Variants in COG3 observed in about 807,000 individuals in gnomAD.
COG3 encodes component of oligomeric golgi complex 3.
COG3 carries 32 observed loss-of-function variants against 114.1 expected under a neutral mutation model. That is an observed-to-expected ratio of 0.28 (90% confidence interval 0.21 to 0.38). The LOEUF (loss-of-function observed/expected upper bound fraction) is 0.38, where lower values mean the gene tolerates loss of function less well. Ranked by LOEUF, COG3 falls within the 10% of genes least tolerant of loss-of-function variation. The pLI is 1.00. For synonymous variants in COG3, 352 were observed against 365.7 expected (o/e 0.96, Z 0.43); for missense variants, 813 against 973.2 (o/e 0.84, Z 2.19).
chr13:45,526,195 C>T (rs955558627), intron 20 of COG3, among the ~76,000 whole-genome samples: 14 of 134,046 alleles, frequency 1.0e-4, no homozygotes, highest in African/African-American at 3.5e-4. Flanking sequence ...AACCAATTCT[C>T]CTGCCTCAGC....
At chr13:45,520,703 A>C (rs961816126) in intron 19 of COG3, among the ~76,000 whole-genome samples, 1 of 151,998 alleles carries the variant, frequency 6.6e-6, no homozygotes, top group African/African-American at 2.4e-5. Flanking sequence ...GTGCATATGC[A>C]TTTTTTTCCC....
At chr13:45,524,951 T>C in intron 19 of COG3, 25 bp from the exon 20 acceptor site, 1 of 1,601,124 alleles carries the variant, frequency 6.2e-7, no homozygotes, top group Non-Finnish European at 8.5e-7. Flanking sequence ...AATGAAACTT[T>C]TTTTCTTTTT....
chr13:45,486,962 T>C (rs538398000), intron 8 of COG3, among the ~76,000 whole-genome samples: 71 of 152,282 alleles, frequency 4.7e-4, no homozygotes, highest in Non-Finnish European at 7.8e-4. Flanking sequence ...AAAGACTCTC[T>C]CACGAGGGAT....
At chr13:45,523,149 G>GTTTT (rs68132374) in intron 19 of COG3, among the ~76,000 whole-genome samples, 1 of 143,336 alleles carries the variant, frequency 7.0e-6, no homozygotes. Flanking sequence ...GCTTAAAAGT[G>GTTTT]TTTTTTTTTT....
intron 2 of COG3, among the ~76,000 whole-genome samples, chr13:45,478,421 C>T (rs1381291008): frequency 6.6e-6 from 1 of 151,098 alleles, no homozygotes; most frequent in African/African-American, 2.4e-5. Flanking sequence ...CCTTGTGATC[C>T]GCTCGCCTCG....
rs1239259522 is a variant in COG3 at position 45,530,748 on chromosome 13, A to C, written c.2425A>C (p.Ile809Leu). 6.2e-7 allele frequency: 1 copy of C among 1,613,300 alleles called. No homozygotes were observed. The highest frequency in any genetic ancestry group is 8.5e-7 in the Non-Finnish European group (1 of 1,179,370). The change falls in exon 22 of 23, where the codon ATC becomes CTC. Residue 809 changes from isoleucine to leucine, a missense_variant. Ile to Leu is a conservative substitution (Grantham distance 5). Transcript: ENST00000349995. ...AAAGGAAGAGTTCAGCCCTGAAGAC[A>C]TCCAGATCATTGCCTGTCCATCTAT... ...LLKEEFSPED[I>L]QIIACPSMEQ... is the part of the protein sequence containing the mutation.
intron 1 of COG3, among the ~76,000 whole-genome samples, chr13:45,470,974 T>G (rs1349587422): frequency 6.6e-6 from 1 of 152,226 alleles, no homozygotes; most frequent in Non-Finnish European, 1.5e-5. Context: ...TACTTTTGAC[T>G]TAGGATATTT....
chr13:45,513,382 A>G (rs1413737169), intron 16 of COG3, among the ~76,000 whole-genome samples: 3 of 113,666 alleles, frequency 2.6e-5, no homozygotes, highest in Non-Finnish European at 4.9e-5. Flanking sequence ...TACATATAAT[A>G]TATACATATA....
rs1052173860 is a variant in COG3 at position 45,535,095 on chromosome 13, G to A, written c.*364G>A. On this transcript the variant is annotated 3_prime_UTR_variant, in exon 23 of 23. Coordinates refer to ENST00000349995, the MANE Select transcript of COG3 (RefSeq NM_031431.4). Reference sequence around the variant, plus strand: ...GCAAAGAACTTTACAGAAATCAAGCGAATTAGAAGGCCTGTAAGAGTAAGG... The same window carrying A: ...GCAAAGAACTTTACAGAAATCAAGCAAATTAGAAGGCCTGTAAGAGTAAGG... 1.5e-5 allele frequency: 15 copies of A among 1,033,270 alleles called. No individual in the cohort carries two copies. The African/African-American group carries it at 1.7e-4, about 12-fold the overall frequency. The allele number at this position is 1,033,270 out of a possible 1,614,324, so 64.0% of individuals were successfully genotyped here.
At chr13:45,486,270 C>A (rs112183780) in intron 7 of COG3, among the ~76,000 whole-genome samples, 1 of 140,584 alleles carries the variant, frequency 7.1e-6, no homozygotes, top group Non-Finnish European at 1.5e-5. Flanking sequence ...AGCTTCGGCT[C>A]GGCATGAGAG....
chr13:45,504,094 T>A (rs963811457), intron 14 of COG3, among the ~76,000 whole-genome samples: 1 of 151,768 alleles, frequency 6.6e-6, no homozygotes, highest in African/African-American at 2.4e-5. Flanking sequence ...GCTATAAGAG[T>A]GGCCCTAAAG....
At chr13:45,467,850 C>T (rs1885245480) in intron 1 of COG3, among the ~76,000 whole-genome samples, 2 of 152,110 alleles carry the variant, frequency 1.3e-5, no homozygotes, top group African/African-American at 2.4e-5. Context: ...ACAATTTTCA[C>T]GAGATAAATT....
At position 45,506,510 on chromosome 13, in the gene COG3, G is replaced by A. The variant is rs190753677; in HGVS notation, c.1594+3161G>A. Among the ~76,000 whole-genome samples the A allele has an allele frequency of 1.1e-3, 161 of 152,312 alleles. 1 individual carries two copies. Among genetic ancestry groups the A allele is most frequent in the African/African-American group, 3.7e-3 (153 of 41,566 alleles). On this transcript the variant is annotated intron_variant, in intron 14 of 22. Coordinates refer to ENST00000349995, the MANE Select transcript of COG3 (RefSeq NM_031431.4). The stretch of plus-strand genomic sequence containing the variant: ...TTAGAGGTGGAACAGTTGAGAGGAA[G>A]AAGGAAGTCTGTGGAAAGTAATAAG...
intron 19 of COG3, among the ~76,000 whole-genome samples, chr13:45,519,801 G>A (rs1338912819): frequency 6.6e-6 from 1 of 152,154 alleles, no homozygotes; most frequent in East Asian, 1.9e-4. Context: ...TATTAAGTGA[G>A]GACTGACTAT....
chr13:45,505,885 G>A (rs1053546163), intron 14 of COG3, among the ~76,000 whole-genome samples: 2 of 152,018 alleles, frequency 1.3e-5, no homozygotes, highest in African/African-American at 4.8e-5. Flanking sequence ...GTGAGCCACT[G>A]TGCCTGGCCT....
chr13:45,530,858 A>T lies in COG3; in HGVS notation c.2457+78A>T. The T allele has an allele frequency of 2.1e-6, 3 of 1,451,704 alleles. No homozygotes were observed. In the South Asian group the frequency reaches 4.5e-5, roughly 22 times the overall value. 89.9% of individuals were successfully genotyped at this position (1,451,704 alleles called of 1,614,324 possible). ...ACCTGAGTAGATAATGTCTTTGAGC[A>T]AACATATTTTTAGTATTAATTTAAA... On this transcript the variant is annotated intron_variant, in intron 22 of 22. Transcript: ENST00000349995.
At chr13:45,477,588 A>G (rs1445109608) in intron 2 of COG3, among the ~76,000 whole-genome samples, 1 of 151,858 alleles carries the variant, frequency 6.6e-6, no homozygotes, top group Non-Finnish European at 1.5e-5. Flanking sequence ...TTTTCAGGCC[A>G]GAATTCAGAT....
chr13:45,490,724 G>A (rs1413909793), intron 8 of COG3, among the ~76,000 whole-genome samples, 191 bp from the exon 9 acceptor site: 4 of 149,588 alleles, frequency 2.7e-5, no homozygotes, highest in African/African-American at 1.0e-4. Context: ...TAGGAACTGT[G>A]GATATAAAAA....
At chr13:45,527,930 G>A (rs909773689) in intron 20 of COG3, among the ~76,000 whole-genome samples, 1 of 152,164 alleles carries the variant, frequency 6.6e-6, no homozygotes, top group Non-Finnish European at 1.5e-5. Context: ...TCCATCTCGA[G>A]AGAGAGCTAG....
Sources: allele counts gnomAD v4.1 joint callset (sites outside exome capture counted in the v4.1 genomes callset), GRCh38; gene constraint gnomAD v4.1.1; transcripts MANE v1.5; gene names NCBI Gene and HGNC (gene_info 2026-07-23, HGNC 2026-07-21).